Variants in MGAT4A observed in about 807,000 individuals in gnomAD.
MGAT4A encodes the protein alpha-1,3-mannosyl-glycoprotein 4-beta-N-acetylglucosaminyltransferase A, also known as N-acetylglucosaminyltransferase IVa.
A neutral mutation model predicts 74.1 loss-of-function variants in MGAT4A; 33 were observed. That is an observed-to-expected ratio of 0.45 (90% CI 0.34 to 0.60). The LOEUF (loss-of-function observed/expected upper bound fraction) is 0.60. MGAT4A is among the 20% of genes least tolerant of loss of function. The pLI, the probability that MGAT4A is intolerant of heterozygous loss-of-function variation, is 0.02. For synonymous variants in MGAT4A, 198 were observed against 210.4 expected (o/e 0.94, Z 0.51); for missense variants, 479 against 628.3 (o/e 0.76, Z 2.54).
At chr2:98,706,580 G>A (rs1031846539) in intron 2 of MGAT4A, among the ~76,000 whole-genome samples, 3 of 150,900 alleles carry the variant, frequency 2.0e-5, no homozygotes, top group South Asian at 2.1e-4. Context: ...CACCCGCGTC[G>A]GCCTCCCAAA....
At chr2:98,650,584 T>C (rs1701561798) in intron 8 of MGAT4A, among the ~76,000 whole-genome samples, 1 of 152,192 alleles carries the variant, frequency 6.6e-6, no homozygotes, top group South Asian at 2.1e-4. Context: ...TGGAATGATA[T>C]GTTCAAAGTG....
At chr2:98,663,533 A>G in intron 4 of MGAT4A, 1 of 1,218,314 alleles carries the variant, frequency 8.2e-7, no homozygotes, top group Non-Finnish European at 1.1e-6. Context: ...GACTTCAAGC[A>G]TGTGACATGC....
intron 8 of MGAT4A, among the ~76,000 whole-genome samples, chr2:98,651,130 T>G (rs1164916849): frequency 6.6e-6 from 1 of 151,658 alleles, no homozygotes; most frequent in African/African-American, 2.4e-5. Context: ...GCTGAGTGAG[T>G]TCATCACCAC....
At chr2:98,722,624 G>A (rs901514592) in intron 2 of MGAT4A, among the ~76,000 whole-genome samples, 1 of 152,182 alleles carries the variant, frequency 6.6e-6, no homozygotes, top group Non-Finnish European at 1.5e-5. Flanking sequence ...TGACTGTGGT[G>A]ATGGATACAT....
intron 10 of MGAT4A, among the ~76,000 whole-genome samples, chr2:98,641,867 C>G (rs1701416491): frequency 1.3e-5 from 2 of 151,652 alleles, no homozygotes; most frequent in South Asian, 4.2e-4. Flanking sequence ...GTGGCCCGTG[C>G]CTGTAGTCCC....
At chr2:98,695,544 T>G (rs1003837400) in intron 2 of MGAT4A, 3 of 159,022 alleles carry the variant, frequency 1.9e-5, no homozygotes, top group African/African-American at 7.2e-5. Context: ...TTTTACCATG[T>G]CCATTCCTTA....
At chr2:98,720,967 G>C (rs1702660802) in intron 2 of MGAT4A, among the ~76,000 whole-genome samples, 1 of 151,814 alleles carries the variant, frequency 6.6e-6, no homozygotes, top group African/African-American at 2.4e-5. Context: ...CTCCAAACAG[G>C]GTCAATAAAA....
At chr2:98,637,183 T>C (rs142769854) in intron 12 of MGAT4A, among the ~76,000 whole-genome samples, 1,724 of 152,142 alleles carry the variant, frequency 0.011, 18 homozygotes, top group Middle Eastern at 0.054. Context: ...TGGTGGTATG[T>C]ACCTGTAGTC....
intron 4 of MGAT4A, among the ~76,000 whole-genome samples, chr2:98,665,541 CA>C (rs920750666): frequency 5.3e-5 from 8 of 152,040 alleles, no homozygotes; most frequent in African/African-American, 7.2e-5. Context: ...TCCGTCCCCC[CA>C]AAAAAAGATA....
chr2:98,660,418 GCACACACACACA>G (rs534943882), intron 5 of MGAT4A, among the ~76,000 whole-genome samples: 181 of 141,718 alleles, frequency 1.3e-3, no homozygotes, highest in East Asian at 9.7e-3. Context: ...ACACGCACGC[GCACACACACACA>G]CACACACACA....
intron 8 of MGAT4A, among the ~76,000 whole-genome samples, chr2:98,654,195 C>T (rs1295098233): frequency 6.6e-6 from 1 of 152,040 alleles, no homozygotes; most frequent in Non-Finnish European, 1.5e-5. Context: ...AAAAGCCCAT[C>T]GGTAATATCA....
intron 5 of MGAT4A, among the ~76,000 whole-genome samples, chr2:98,660,731 T>G (rs1376331223): frequency 6.6e-6 from 1 of 152,114 alleles, no homozygotes; most frequent in African/African-American, 2.4e-5. Flanking sequence ...CACATACAGA[T>G]GAATGAAAGT....
intron 2 of MGAT4A, among the ~76,000 whole-genome samples, chr2:98,697,913 T>C (rs1009464981): frequency 5.3e-5 from 8 of 152,106 alleles, no homozygotes; most frequent in African/African-American, 1.4e-4. Context: ...ATGCTAAAGG[T>C]TGATGTACAC....
At chr2:98,626,345 C>T (rs998803030) in intron 14 of MGAT4A, among the ~76,000 whole-genome samples, 3 of 152,168 alleles carry the variant, frequency 2.0e-5, no homozygotes, top group Admixed American at 6.5e-5. Context: ...CTCCTCTACA[C>T]AGTTCAATAT....
chr2:98,714,551 C>T (rs988835290), intron 2 of MGAT4A, among the ~76,000 whole-genome samples: 2 of 152,124 alleles, frequency 1.3e-5, no homozygotes, highest in East Asian at 3.9e-4. Flanking sequence ...ACACATGTAT[C>T]CCCTTGCTCT....
chr2:98,699,803 C>T (rs923251024), intron 2 of MGAT4A, among the ~76,000 whole-genome samples: 15 of 152,102 alleles, frequency 9.9e-5, no homozygotes, highest in Admixed American at 9.8e-4. Flanking sequence ...ATATGTAGTA[C>T]TGTGAGACAA....
At chr2:98,704,072 G>A (rs548937310) in intron 2 of MGAT4A, among the ~76,000 whole-genome samples, 5 of 152,322 alleles carry the variant, frequency 3.3e-5, no homozygotes, top group East Asian at 1.9e-4. Flanking sequence ...AGTAGGGTCT[G>A]TATGGCAAGG....
chr2:98,634,797 G>A lies in MGAT4A; in HGVS notation c.1468+425C>T, dbSNP rs140106718. Among the ~76,000 whole-genome samples, 178 of 150,784 alleles carry A rather than the reference G, an allele frequency of 1.2e-3. 1 individual carries two copies. Among genetic ancestry groups the A allele is most frequent in the African/African-American group, 4.1e-3 (166 of 40,922 alleles). On this transcript the variant is annotated intron_variant, in intron 14 of 15. Coordinates refer to ENST00000393487, the MANE Select transcript of MGAT4A (RefSeq NM_012214.3). ...ATAAAGAAATGTGTGTGTTACAGAC[G>A]CTTGTGGTAGACGGCTATGTGGCTG...
At chr2:98,657,440 A>T (rs986139127) in intron 6 of MGAT4A, among the ~76,000 whole-genome samples, 1 of 152,214 alleles carries the variant, frequency 6.6e-6, no homozygotes, top group Non-Finnish European at 1.5e-5. Flanking sequence ...TTTTGTTTCT[A>T]TAAGGACTTC....
Sources: allele counts gnomAD v4.1 joint callset (sites outside exome capture counted in the v4.1 genomes callset), GRCh38; gene constraint gnomAD v4.1.1; transcripts MANE v1.5; gene names NCBI Gene and HGNC (gene_info 2026-07-23, HGNC 2026-07-21).